DYSF: variants seen among roughly 807,000 people sequenced by gnomAD.
DYSF encodes the protein dystrophy-associated fer-1-like 1.
Under a neutral mutation model 274.9 loss-of-function variants are expected in DYSF, and 212 were observed. The ratio of observed to expected loss-of-function variants is 0.77; its 90% confidence interval spans 0.69 to 0.86. The LOEUF is 0.86. Ranked by LOEUF, DYSF falls within the 40% of genes least tolerant of loss-of-function variation. The pLI, the probability that DYSF is intolerant of heterozygous loss-of-function variation, is 0.00. For synonymous variants in DYSF, 1,091 were observed against 1,078.7 expected (o/e 1.01, Z -0.22); for missense variants, 2,666 against 2,783.2 (o/e 0.96, Z 0.95).
chr2:71,587,626 C>T (rs993152527), intron 30 of DYSF, among the ~76,000 whole-genome samples: 1 of 152,206 alleles, frequency 6.6e-6, no homozygotes, highest in African/African-American at 2.4e-5. Flanking sequence ...ATCAAAGCAA[C>T]TCTCTAAAAT....
intron 32 of DYSF, among the ~76,000 whole-genome samples, chr2:71,592,182 T>C (rs1321925346): frequency 2.0e-5 from 3 of 152,126 alleles, no homozygotes; most frequent in African/African-American, 7.2e-5. Flanking sequence ...TTGTCCTCTG[T>C]GGGCCCTGCG....
chr2:71,572,249 G>GTACAGAT (rs2092533016), intron 29 of DYSF, among the ~76,000 whole-genome samples: 1 of 28,568 alleles, frequency 3.5e-5, no homozygotes, highest in African/African-American at 8.3e-5. Flanking sequence ...ATCACACCTA[G>GTACAGAT]CACACCCACA....
chr2:71,635,748 C>CAA (rs753590151), intron 41 of DYSF, among the ~76,000 whole-genome samples: 28,856 of 69,558 alleles, frequency 0.41, 6,717 homozygotes, highest in Middle Eastern at 0.63. Flanking sequence ...GACTCTGTCT[C>CAA]AAAAAAAAAA....
At chr2:71,517,238 G>T (rs969274721) in intron 10 of DYSF, among the ~76,000 whole-genome samples, 199 bp downstream of exon 10, 1 of 152,228 alleles carries the variant, frequency 6.6e-6, no homozygotes, top group African/African-American at 2.4e-5. Context: ...AGAAGAGAAA[G>T]AAAGCACTTT....
At chr2:71,551,210 A>C in intron 18 of DYSF, 54 bp downstream of exon 18, 1 of 1,577,692 alleles carries the variant, frequency 6.3e-7, no homozygotes, top group Non-Finnish European at 8.7e-7. Flanking sequence ...CAGGTCCCTC[A>C]GGAGCCCAGG....
At chr2:71,537,091 A>G (rs1055230297) in intron 16 of DYSF, among the ~76,000 whole-genome samples, 3 of 152,036 alleles carry the variant, frequency 2.0e-5, no homozygotes, top group Non-Finnish European at 2.9e-5. Flanking sequence ...CAGAAATCCA[A>G]TTCCTTTTCA....
intron 40 of DYSF, among the ~76,000 whole-genome samples, chr2:71,619,740 G>A (rs1377220963): frequency 1.3e-5 from 2 of 152,062 alleles, no homozygotes; most frequent in East Asian, 3.9e-4. Flanking sequence ...CCTAGCATGC[G>A]TCTTCTCACC....
intron 22 of DYSF, among the ~76,000 whole-genome samples, chr2:71,558,882 C>G (rs764790362): frequency 6.6e-6 from 1 of 152,256 alleles, no homozygotes. Context: ...CTGAGTGGCC[C>G]AGCACCTCAG....
intron 40 of DYSF, among the ~76,000 whole-genome samples, chr2:71,617,164 G>A (rs1431124851): frequency 6.6e-6 from 1 of 152,200 alleles, no homozygotes; most frequent in Admixed American, 6.5e-5. Context: ...AGGTAGAGGG[G>A]CTCCTCTTCA....
At chr2:71,645,080 G>A (rs1284343834) in intron 42 of DYSF, among the ~76,000 whole-genome samples, 2 of 152,182 alleles carry the variant, frequency 1.3e-5, no homozygotes, top group East Asian at 3.9e-4. Context: ...TGAAGCCCCA[G>A]TGGATGTGTG....
At chr2:71,522,951 T>C (rs1653199817) in intron 12 of DYSF, among the ~76,000 whole-genome samples, 1 of 152,088 alleles carries the variant, frequency 6.6e-6, no homozygotes, top group African/African-American at 2.4e-5. Context: ...AAGACAGGAG[T>C]TTGAGGTCCA....
intron 42 of DYSF, 142 bp from the exon 43 acceptor site, chr2:71,656,020 T>G: frequency 8.4e-7 from 1 of 1,184,582 alleles, no homozygotes; most frequent in Non-Finnish European, 1.2e-6. Context: ...CTTTCCCTCC[T>G]TTTCTTCTTC....
chr2:71,646,711 T>TA (rs1439380040), intron 42 of DYSF, among the ~76,000 whole-genome samples: 1 of 151,912 alleles, frequency 6.6e-6, no homozygotes, highest in African/African-American at 2.4e-5. Context: ...AAATGCATAG[T>TA]AAAAAAAGAA....
chr2:71,656,935 A>G (rs1224546212), intron 43 of DYSF, among the ~76,000 whole-genome samples: 1 of 152,100 alleles, frequency 6.6e-6, no homozygotes, highest in Non-Finnish European at 1.5e-5. Flanking sequence ...GCCCCTCCAA[A>G]TCTCATGTTC....
intron 19 of DYSF, among the ~76,000 whole-genome samples, chr2:71,552,309 A>G (rs922212137): frequency 1.2e-4 from 19 of 152,192 alleles, no homozygotes; most frequent in African/African-American, 4.6e-4. Context: ...CAGTTTCCCT[A>G]TCTGGAAAGT....
chr2:71,686,705 A>G lies in DYSF; in HGVS notation c.*213A>G, dbSNP rs2095359699. ...ACTTCCATCATTTCCTTCTCCCCCA[A>G]CCCAACGCTTTTTTGGATCAGCTCA... is the stretch of plus-strand genomic sequence containing the variant. On this transcript the variant is annotated 3_prime_UTR_variant, in exon 56 of 56. Coordinates refer to ENST00000410020, the MANE Select transcript of DYSF (RefSeq NM_001130987.2). 2 of 621,250 alleles carry G rather than the reference A, an allele frequency of 3.2e-6. No homozygotes were observed. The highest frequency in any genetic ancestry group is 3.7e-5 in the African/African-American group (2 of 54,476). The allele number at this position is 621,250 out of a possible 1,614,324, so 38.5% of individuals were successfully genotyped here. A position where few individuals can be genotyped will look rare whatever the true frequency, so the allele number is the denominator to read the frequency against.
intron 14 of DYSF, among the ~76,000 whole-genome samples, chr2:71,534,257 T>C (rs1278967203): frequency 1.3e-5 from 2 of 152,250 alleles, no homozygotes; most frequent in Non-Finnish European, 2.9e-5. Context: ...GCTCATTATT[T>C]TCATGTGTAG....
At chr2:71,477,781 C>T (rs767167212) in intron 1 of DYSF, among the ~76,000 whole-genome samples, 1 of 152,212 alleles carries the variant, frequency 6.6e-6, no homozygotes, top group Non-Finnish European at 1.5e-5. Flanking sequence ...TTGCAACTTA[C>T]TGTTAAGAAG....
intron 41 of DYSF, among the ~76,000 whole-genome samples, chr2:71,623,327 C>G (rs1169234315): frequency 9.2e-6 from 1 of 108,504 alleles, no homozygotes; most frequent in African/African-American, 3.6e-5. Flanking sequence ...CCTCCCCCCT[C>G]CCCCCACCCC....
Sources: allele counts gnomAD v4.1 joint callset (sites outside exome capture counted in the v4.1 genomes callset), GRCh38; gene constraint gnomAD v4.1.1; transcripts MANE v1.5; gene names NCBI Gene and HGNC (gene_info 2026-07-23, HGNC 2026-07-21).